MLXIP: variants seen among roughly 807,000 people sequenced by gnomAD.
MLXIP encodes the protein MLX interacting protein, also known as MLX-interacting protein.
A neutral mutation model predicts 87.2 loss-of-function variants in MLXIP; 30 were observed. The ratio of observed to expected loss-of-function variants is 0.34; its 90% CI spans 0.26 to 0.47. MLXIP has a LOEUF of 0.47. Among genes scored for constraint, MLXIP ranks in the 20% least tolerant of loss-of-function variants. MLXIP has a pLI of 1.00. For missense variants in MLXIP, 1,002 were observed against 1,240.1 expected (o/e 0.81, Z 2.88); for synonymous variants, 530 against 514.0 (o/e 1.03, Z -0.42).
At chr12:122,125,569 G>A (rs976717619) in intron 1 of MLXIP, among the ~76,000 whole-genome samples, 3 of 152,208 alleles carry the variant, frequency 2.0e-5, no homozygotes, top group African/African-American at 4.8e-5. Flanking sequence ...CAGCAGGTAC[G>A]CCATGACACA....
rs1292838402 is a variant in MLXIP, at chr12:122,141,813, C to T, written c.*1C>T. The stretch of plus-strand genomic sequence containing the variant: ...TGGCAAGAGATTGGGAGAGTCCTAG[C>T]TGCTTAGCTGGCATGTGGCCGCATG... On this transcript the variant is annotated 3_prime_UTR_variant, in exon 17 of 17. Coordinates refer to ENST00000319080, the MANE Select transcript of MLXIP (RefSeq NM_014938.6). The T allele has an allele frequency of 3.7e-6, 6 of 1,613,342 alleles. No homozygotes were observed. The highest frequency in any genetic ancestry group is 2.2e-5 in the East Asian group (1 of 44,886).
chr12:122,091,555 A>AC (rs1287870884), intron 1 of MLXIP, among the ~76,000 whole-genome samples: 39 of 152,214 alleles, frequency 2.6e-4, no homozygotes, highest in Non-Finnish European at 2.9e-4. Context: ...AACAAAACAA[A>AC]AAAAGACTTT....
At chr12:122,087,735 T>G (rs1952189100) in intron 1 of MLXIP, among the ~76,000 whole-genome samples, 1 of 152,020 alleles carries the variant, frequency 6.6e-6, no homozygotes, top group Non-Finnish European at 1.5e-5. Context: ...CTGGGGCCAG[T>G]CTACAGGAGA....
intron 1 of MLXIP, among the ~76,000 whole-genome samples, chr12:122,085,723 G>T (rs1219145215): frequency 1.3e-5 from 2 of 152,168 alleles, no homozygotes; most frequent in Non-Finnish European, 2.9e-5. Flanking sequence ...TTGTGGAATG[G>T]TGCTTTAGGG....
At chr12:122,100,274 A>G (rs972995053) in intron 1 of MLXIP, among the ~76,000 whole-genome samples, 1 of 152,206 alleles carries the variant, frequency 6.6e-6, no homozygotes, top group Non-Finnish European at 1.5e-5. Flanking sequence ...TTTGAGTTTT[A>G]TGGGATTAAG....
intron 1 of MLXIP, among the ~76,000 whole-genome samples, chr12:122,118,049 AT>A (rs1436949445): frequency 9.8e-5 from 15 of 152,292 alleles, no homozygotes; most frequent in Admixed American, 2.6e-4. Flanking sequence ...CTTTGTGGCC[AT>A]TATTAAGTAA....
rs1407453849 is a variant in MLXIP, at chr12:122,139,020, A to G, written c.2508+82A>G. On this transcript the variant is annotated intron_variant, in intron 15 of 16. Coordinates refer to ENST00000319080, the MANE Select transcript of MLXIP (RefSeq NM_014938.6). ...CAGACCGTGGCACTGTAGTTACTTT[A>G]GAAAGACTCTTTAAATGCCTGTCAC... 7.0e-6 allele frequency: 11 copies of G among 1,568,708 alleles called. No individual in the cohort carries two copies. The African/African-American group carries it at 1.5e-4, about 21-fold the overall frequency.
At chr12:122,101,280 A>G (rs1952431623) in intron 1 of MLXIP, among the ~76,000 whole-genome samples, 1 of 152,130 alleles carries the variant, frequency 6.6e-6, no homozygotes, top group South Asian at 2.1e-4. Context: ...CAGGAAGAAA[A>G]GAGCCCTGGA....
In MLXIP at chr12:122,135,160, T is replaced by C. The variant is rs750721346; in HGVS notation, c.1733-64T>C. Reference sequence around the variant, plus strand: ...CTGTCTCACTGGCAGAGAGGCAGCCTCTGCAGGGTGGGCCAGGCCCTGTGG... The same window carrying C: ...CTGTCTCACTGGCAGAGAGGCAGCCCCTGCAGGGTGGGCCAGGCCCTGTGG... On this transcript the variant is annotated intron_variant, in intron 9 of 16. Coordinates refer to ENST00000319080, the MANE Select transcript of MLXIP (RefSeq NM_014938.6). The surrounding 1 kb of genome is among the most constrained non-coding windows in gnomAD (Gnocchi z 5.3). 23 of 1,590,140 alleles carry C rather than the reference T, an allele frequency of 1.4e-5. No homozygotes were observed. The African/African-American group carries it at 2.4e-4, about 17-fold the overall frequency.
chr12:122,143,950 G>A lies in MLXIP; in HGVS notation c.*2138G>A, dbSNP rs1953255295. On this transcript the variant is annotated 3_prime_UTR_variant, in exon 17 of 17. Coordinates refer to ENST00000319080, the MANE Select transcript of MLXIP (RefSeq NM_014938.6). ...CACTGTCCAGGAGATGCATGTCTTT[G>A]TATTGGAGATATTTCTGTAACTCAT... 6.5e-6 allele frequency: 1 copy of A among 152,724 alleles called. No homozygotes were observed. The highest frequency in any genetic ancestry group is 1.5e-5 in the Non-Finnish European group (1 of 68,092). 9.5% of individuals were successfully genotyped at this position (152,724 alleles called of 1,614,324 possible). A position where few individuals can be genotyped will look rare whatever the true frequency, so the allele number is the denominator to read the frequency against.
intron 1 of MLXIP, among the ~76,000 whole-genome samples, chr12:122,088,488 T>C (rs1460477840): frequency 1.3e-5 from 2 of 152,056 alleles, no homozygotes; most frequent in East Asian, 3.9e-4. Flanking sequence ...TTCCATGTCA[T>C]CCGCCTTTAA....
intron 1 of MLXIP, among the ~76,000 whole-genome samples, chr12:122,114,005 GAC>G (rs1952647400): frequency 1.1e-5 from 1 of 93,344 alleles, no homozygotes; most frequent in Non-Finnish European, 2.1e-5. Flanking sequence ...TTTTTTTTGA[GAC>G]AGCATTTCAC....
intron 1 of MLXIP, among the ~76,000 whole-genome samples, chr12:122,084,602 A>G (rs1349150405): frequency 6.6e-6 from 1 of 152,096 alleles, no homozygotes; most frequent in Non-Finnish European, 1.5e-5. Context: ...GCTGGAGTGC[A>G]GTGGCGTGAT....
At chr12:122,080,941 T>C (rs947720037) in intron 1 of MLXIP, among the ~76,000 whole-genome samples, 4 of 152,146 alleles carry the variant, frequency 2.6e-5, no homozygotes, top group African/African-American at 9.7e-5. Context: ...AGGGAGAGAA[T>C]GGATGAGTCA....
At position 122,135,532 on chromosome 12, in the gene MLXIP, A is replaced by C. The variant is rs771823396; in HGVS notation, c.1898A>C (p.Asp633Ala). ...PEFHSSILVT[D>A]LGHGTSSPPA... is the part of the protein sequence containing the mutation. ...TTCCACAGCAGCATCCTGGTGACAG[A>C]TCTCGGCCATGGCACGAGCAGCCCG... Residue 633 changes from aspartate (D) to alanine (A), a missense_variant, in exon 11 of 17, where the codon GAT (aspartate) becomes GCT (alanine). Asp to Ala is a moderately radical substitution (Grantham distance 126). Around this residue, in one of 3 missense-constraint regions of MLXIP, gnomAD observed 746 missense variants for 897.0 expected, o/e 0.83. Transcript: ENST00000319080. The surrounding 1 kb of genome is among the most constrained non-coding windows in gnomAD (Gnocchi z 5.3). 1 of 1,606,792 alleles carries C rather than the reference A, an allele frequency of 6.2e-7. No homozygotes were observed. The highest frequency in any genetic ancestry group is 1.1e-5 in the South Asian group (1 of 89,986).
intron 1 of MLXIP, among the ~76,000 whole-genome samples, chr12:122,118,658 G>A (rs1952729845): frequency 6.6e-6 from 1 of 152,164 alleles, no homozygotes; most frequent in East Asian, 1.9e-4. Context: ...GACCAGCCTG[G>A]CTAACATGGT....
chr12:122,135,631 A>G lies in MLXIP; in HGVS notation c.1997A>G (p.His666Arg). The change falls in exon 11 of 17, where the codon CAT becomes CGT. Residue 666 changes from histidine to arginine, a missense_variant. This residue lies in a region of MLXIP where 746 missense variants were observed against 897.0 expected (regional missense o/e 0.83). Coordinates refer to ENST00000319080, the MANE Select transcript of MLXIP (RefSeq NM_014938.6). This position sits in a 1 kb window ranked among gnomAD's most constrained non-coding sequence, Gnocchi z 5.3. Reference sequence around the variant, plus strand: ...GGGAAGGGCGAGCAGGTCCCGCTGCATGGGGGCAGCCCCCAGGTCACTGTC... The same window carrying G: ...GGGAAGGGCGAGCAGGTCCCGCTGCGTGGGGGCAGCCCCCAGGTCACTGTC... ...PLGKGEQVPL[H>R]GGSPQVTVTG... 1 of 1,549,868 alleles carries G rather than the reference A, an allele frequency of 6.5e-7. No individual in the cohort carries two copies. Among genetic ancestry groups the G allele is most frequent in the Admixed American group, 1.9e-5 (1 of 51,406 alleles).
chr12:122,094,476 T>G (rs1593066405), intron 1 of MLXIP, among the ~76,000 whole-genome samples: 1 of 129,996 alleles, frequency 7.7e-6, no homozygotes, highest in Admixed American at 7.8e-5. Flanking sequence ...TGTGTTGGTG[T>G]GTGGGTGTGT....
intron 1 of MLXIP, among the ~76,000 whole-genome samples, chr12:122,093,133 C>T (rs1423017843): frequency 8.7e-6 from 1 of 115,174 alleles, no homozygotes; most frequent in Non-Finnish European, 1.8e-5. Flanking sequence ...TGTGTGGGGT[C>T]TGTTGATGTG....
Sources: allele counts gnomAD v4.1 joint callset (sites outside exome capture counted in the v4.1 genomes callset), GRCh38; gene constraint gnomAD v4.1.1; regional missense constraint gnomAD v4.1.1; non-coding constraint Gnocchi (gnomAD v3.1); transcripts MANE v1.5; gene names NCBI Gene and HGNC (gene_info 2026-07-23, HGNC 2026-07-21).